Variants in PIEZO2 observed in about 807,000 individuals in gnomAD.
The protein encoded by PIEZO2 is piezo type mechanosensitive ion channel component 2, also known as piezo-type mechanosensitive ion channel component 2.
In PIEZO2, 172 loss-of-function variants were observed where a neutral mutation model predicts 337.3. The observed-to-expected ratio is 0.51, with a 90% CI of 0.45 to 0.58. The LOEUF (loss-of-function observed/expected upper bound fraction) is 0.58. Among genes scored for constraint, PIEZO2 ranks in the 20% least tolerant of loss-of-function variants. PIEZO2 has a pLI of 0.00. For synonymous variants in PIEZO2, 1,251 were observed against 1,228.5 expected, an observed-to-expected ratio of 1.02 and a Z score of -0.38; for missense variants, 3,028 against 3,391.3, an observed-to-expected ratio of 0.89 and a Z score of 2.66.
intron 1 of PIEZO2, among the ~76,000 whole-genome samples, chr18:11,072,647 A>G (rs2038385985): frequency 6.6e-6 from 1 of 152,142 alleles, no homozygotes; most frequent in Non-Finnish European, 1.5e-5. Flanking sequence ...CATTTTACAA[A>G]GTCTTTTATT....
rs1346982443 is a variant in PIEZO2, at chr18:11,083,714, A to G, written c.65-17492T>C. Among the ~76,000 whole-genome samples the G allele has an allele frequency of 6.6e-6, 1 of 152,222 alleles. No individual in the cohort carries two copies. Among genetic ancestry groups the G allele is most frequent in the Non-Finnish European group, 1.5e-5 (1 of 68,056 alleles). ...GAATCCTCAGGCAGAAGACTAAGAA[A>G]ATTTGCAGAAATTGTCCTGAGATCG... is the stretch of plus-strand genomic sequence containing the variant. On this transcript the variant is annotated intron_variant, in intron 1 of 55. Transcript: ENST00000674853. The surrounding 1 kb of genome is among the most constrained non-coding windows in gnomAD (Gnocchi z 4.4).
chr18:10,836,854 G>A (rs1038368623), intron 7 of PIEZO2, among the ~76,000 whole-genome samples: 8 of 152,226 alleles, frequency 5.3e-5, no homozygotes, highest in Non-Finnish European at 1.0e-4. Flanking sequence ...AGGATTTGGA[G>A]TGGTGGTTGG....
In PIEZO2 at chr18:10,707,840, A is replaced by G. The variant is rs995835532; in HGVS notation, c.5588+435T>C. On this transcript the variant is annotated intron_variant, in intron 40 of 55. Transcript: ENST00000674853. This position sits in a 1 kb window ranked among gnomAD's most constrained non-coding sequence, Gnocchi z 4.2. ...TATTCACTAAAAATGACTACCTATG[A>G]TAGATTTTTAGATTTTTTTCCTACT... 6.6e-6 allele frequency among the ~76,000 whole-genome samples: 1 copy of G among 152,176 alleles called. No homozygotes were observed. The highest frequency in any genetic ancestry group is 2.4e-5 in the African/African-American group (1 of 41,448).
intron 13 of PIEZO2, among the ~76,000 whole-genome samples, chr18:10,791,834 G>A (rs990765835): frequency 6.6e-6 from 1 of 152,182 alleles, no homozygotes; most frequent in African/African-American, 2.4e-5. Flanking sequence ...CTAGTTCTAA[G>A]TGCCCATGCT....
chr18:10,759,531 C>A lies in PIEZO2; in HGVS notation c.3708G>T (p.Trp1236Cys), dbSNP rs1226188273. 6.5e-7 allele frequency: 1 copy of A among 1,537,146 alleles called. No individual in the cohort carries two copies. The highest frequency in any genetic ancestry group is 1.4e-5 in the African/African-American group (1 of 73,012). Residue 1236 changes from tryptophan (W) to cysteine (C), a missense_variant, in exon 26 of 56, where the codon TGG (tryptophan) becomes TGT (cysteine). By Grantham distance (215) the Trp-to-Cys change is radical. Around this residue, in one of 5 missense-constraint regions of PIEZO2, gnomAD observed 1,925 missense variants for 2,051.9 expected, o/e 0.94. Coordinates refer to ENST00000674853, the MANE Select transcript of PIEZO2 (RefSeq NM_001378183.1). This position sits in a 1 kb window ranked among gnomAD's most constrained non-coding sequence, Gnocchi z 5.5. ...GASFNDNIIK[W>C]LYFPDFIVRP... ...GCACAATGAAATCTGGGAAGTACAG[C>A]CACTTTATGATGTTGTCATTGAAGC... is the stretch of plus-strand genomic sequence containing the variant.
intron 34 of PIEZO2, 118 bp downstream of exon 34, chr18:10,736,486 G>A (rs967301339): frequency 7.3e-7 from 1 of 1,373,944 alleles, no homozygotes; most frequent in African/African-American, 1.5e-5. Flanking sequence ...ATGTAAATCA[G>A]AAGCTTCGGG....
At chr18:11,044,386 A>G (rs2145821465) in intron 2 of PIEZO2, among the ~76,000 whole-genome samples, 1 of 152,304 alleles carries the variant, frequency 6.6e-6, no homozygotes, top group Admixed American at 6.5e-5. Context: ...CAACTAACAC[A>G]GTACGGCACT....
rs572946825 is a variant in PIEZO2 at position 11,119,651 on chromosome 18, G to A, written c.64+28874C>T. 7.0e-4 allele frequency among the ~76,000 whole-genome samples: 106 copies of A among 152,244 alleles called. 1 individual carries two copies. The highest frequency in any genetic ancestry group is 3.4e-3 in the Middle Eastern group (1 of 292). The stretch of plus-strand genomic sequence containing the variant: ...AGTAGGGACGAGGCAACAAAACTTG[G>A]TTCCAGAGTATAAATACAGCACTTG... On this transcript the variant is annotated intron_variant, in intron 1 of 55. Coordinates refer to ENST00000674853, the MANE Select transcript of PIEZO2 (RefSeq NM_001378183.1).
chr18:10,734,154 T>C (rs1216149984), intron 35 of PIEZO2, among the ~76,000 whole-genome samples: 2 of 152,214 alleles, frequency 1.3e-5, no homozygotes. Flanking sequence ...GATAATTACA[T>C]TGTTATATTT....
chr18:10,818,457 C>T (rs1229366228), intron 7 of PIEZO2, among the ~76,000 whole-genome samples: 2 of 152,094 alleles, frequency 1.3e-5, no homozygotes, highest in East Asian at 1.9e-4. Flanking sequence ...TTCTTCATCA[C>T]GGAAGTATCA....
chr18:11,138,863 A>C (rs1261134113), intron 1 of PIEZO2, among the ~76,000 whole-genome samples: 1 of 152,230 alleles, frequency 6.6e-6, no homozygotes, highest in African/African-American at 2.4e-5. Flanking sequence ...ACCATAGCAC[A>C]GAGGCTGTCT....
At chr18:10,901,454 AC>A (rs1248749801) in intron 4 of PIEZO2, among the ~76,000 whole-genome samples, 1 of 151,714 alleles carries the variant, frequency 6.6e-6, no homozygotes, top group African/African-American at 2.4e-5. Flanking sequence ...ACACACACAC[AC>A]ACACTGCAGG....
In PIEZO2 at chr18:11,143,989, A is replaced by C. The variant is rs1489473665; in HGVS notation, c.64+4536T>G. Among the ~76,000 whole-genome samples, 1 of 152,164 alleles carries C rather than the reference A, an allele frequency of 6.6e-6. No homozygotes were observed. The highest frequency in any genetic ancestry group is 1.5e-5 in the Non-Finnish European group (1 of 68,030). ...ACCATTTTACAGAAAGAAAAGAGAA[A>C]CAAACAAAAGGAACTCCACAATCAT... is the stretch of plus-strand genomic sequence containing the variant. On this transcript the variant is annotated intron_variant, in intron 1 of 55. Transcript: ENST00000674853. This position sits in a 1 kb window ranked among gnomAD's most constrained non-coding sequence, Gnocchi z 4.9.
At chr18:10,913,150 C>T (rs1474678595) in intron 3 of PIEZO2, among the ~76,000 whole-genome samples, 1 of 152,160 alleles carries the variant, frequency 6.6e-6, no homozygotes, top group Non-Finnish European at 1.5e-5. Context: ...AATAATTGCA[C>T]ATATTTATGG....
rs2032788306 is a variant in PIEZO2 at position 10,942,622 on chromosome 18, A to G, written c.287-31394T>C. Among the ~76,000 whole-genome samples the G allele has an allele frequency of 1.3e-5, 2 of 152,204 alleles. No individual in the cohort carries two copies. On this transcript the variant is annotated intron_variant, in intron 3 of 55. Coordinates refer to ENST00000674853, the MANE Select transcript of PIEZO2 (RefSeq NM_001378183.1). The surrounding 1 kb of genome is among the most constrained non-coding windows in gnomAD (Gnocchi z 4.4). ...AGTTTTAGAAGAGAAGCAGAGCACA[A>G]AAGTTCGGAAAATTTGCAGCCTGAC...
chr18:10,882,863 G>C (rs1370462988), intron 4 of PIEZO2, among the ~76,000 whole-genome samples: 1 of 96,516 alleles, frequency 1.0e-5, no homozygotes. Flanking sequence ...TTTTTGAGAT[G>C]GAGTCTTGCC....
chr18:11,085,461 C>T (rs1465672634), intron 1 of PIEZO2, among the ~76,000 whole-genome samples: 1 of 152,152 alleles, frequency 6.6e-6, no homozygotes, highest in African/African-American at 2.4e-5. Context: ...CTTCCTTCCC[C>T]CTGTAACGTA....
intron 5 of PIEZO2, among the ~76,000 whole-genome samples, chr18:10,869,454 C>T (rs2042087219): frequency 6.6e-6 from 1 of 152,102 alleles, no homozygotes; most frequent in Non-Finnish European, 1.5e-5. Context: ...AATCCCAGAA[C>T]TTAAGTTAAA....
chr18:10,994,433 T>C (rs1328754536), intron 2 of PIEZO2, among the ~76,000 whole-genome samples: 2 of 151,100 alleles, frequency 1.3e-5, no homozygotes, highest in Non-Finnish European at 1.5e-5. Context: ...TGAGTCTTGC[T>C]CTGTTGCTCT....
Sources: allele counts gnomAD v4.1 joint callset (sites outside exome capture counted in the v4.1 genomes callset), GRCh38; gene constraint gnomAD v4.1.1; regional missense constraint gnomAD v4.1.1; non-coding constraint Gnocchi (gnomAD v3.1); transcripts MANE v1.5; gene names NCBI Gene and HGNC (gene_info 2026-07-23, HGNC 2026-07-21).